The following CNRIP1 variants were observed in gnomAD, a reference collection of about 807,000 sequenced individuals.
CNRIP1 encodes the protein cannabinoid receptor interacting protein 1.
CNRIP1 carries 10 observed loss-of-function variants against 15.2 expected under a neutral mutation model. The ratio of observed to expected loss-of-function variants is 0.66; its 90% CI spans 0.41 to 1.12. The LOEUF (loss-of-function observed/expected upper bound fraction) is 1.12, where lower values mean the gene tolerates loss of function less well. Among genes scored for constraint, CNRIP1 ranks in the 50% most tolerant of loss-of-function variants. The pLI is 0.00. For synonymous variants in CNRIP1, 91 were observed against 83.2 expected, an observed-to-expected ratio of 1.09 and a Z score of -0.51; for missense variants, 211 against 214.7, an observed-to-expected ratio of 0.98 and a Z score of 0.11.
At chr2:68,298,140 T>C (rs1291893469) in intron 2 of CNRIP1, among the ~76,000 whole-genome samples, 2 of 152,144 alleles carry the variant, frequency 1.3e-5, no homozygotes, top group East Asian at 3.8e-4. Context: ...TTAGTGGTGG[T>C]ATGTATAAAT....
chr2:68,303,688 T>C (rs1311347483), intron 2 of CNRIP1, among the ~76,000 whole-genome samples: 1 of 152,256 alleles, frequency 6.6e-6, no homozygotes, highest in Non-Finnish European at 1.5e-5. Context: ...CAGGGTCTTC[T>C]TCTGTTTTAA....
At chr2:68,291,731 T>G (rs193194911), downstream of CNRIP1, among the ~76,000 whole-genome samples, 1 of 151,874 alleles carries the variant, frequency 6.6e-6, no homozygotes, top group Non-Finnish European at 1.5e-5. Context: ...ATATAAAAAT[T>G]AGCTGAGCGT....
At chr2:68,301,765 A>G (rs1390736314) in intron 2 of CNRIP1, among the ~76,000 whole-genome samples, 1 of 151,834 alleles carries the variant, frequency 6.6e-6, no homozygotes, top group Non-Finnish European at 1.5e-5. Context: ...GGTGGCAGGC[A>G]CCTGTAGTCC....
At chr2:68,297,567 CAAAAA>C (rs112601365) in intron 2 of CNRIP1, among the ~76,000 whole-genome samples, 12 of 98,884 alleles carry the variant, frequency 1.2e-4, no homozygotes, top group African/African-American at 4.0e-4. Context: ...GACACTGTCT[CAAAAA>C]AAAAAAAAAA....
intron 2 of CNRIP1, among the ~76,000 whole-genome samples, chr2:68,310,102 T>C (rs1385662650): frequency 6.6e-6 from 1 of 151,958 alleles, no homozygotes; most frequent in Non-Finnish European, 1.5e-5. Context: ...CCGAGGCAGG[T>C]GGATCACTTG....
At chr2:68,312,462 T>C (rs188690588) in intron 2 of CNRIP1, among the ~76,000 whole-genome samples, 14 of 152,272 alleles carry the variant, frequency 9.2e-5, no homozygotes, top group Admixed American at 7.2e-4. Context: ...AGAGAACTCC[T>C]TTAACCTGAT....
At chr2:68,287,743 C>A (rs1671065349) in intron 2 of CNRIP1, among the ~76,000 whole-genome samples, 1 of 152,346 alleles carries the variant, frequency 6.6e-6, no homozygotes, top group African/African-American at 2.4e-5. Context: ...AGCACATGGC[C>A]TTAGCCCAGG....
In CNRIP1 at chr2:68,297,020, GC is replaced by G. The variant is rs1671392158; in HGVS notation, c.331-2995del. On this transcript the variant is annotated intron_variant, in intron 2 of 2. Transcript: ENST00000263655. ...GACCTCAAGTGATCCACCAGCCTCG[GC>G]CTCTCAAAGCGCTGGGATTACAGGC... is the stretch of plus-strand genomic sequence containing the variant. Among the ~76,000 whole-genome samples the G allele has an allele frequency of 3.3e-5, 5 of 152,102 alleles. No homozygotes were observed. In the South Asian group the frequency reaches 1.0e-3, roughly 32 times the overall value.
intron 2 of CNRIP1, among the ~76,000 whole-genome samples, chr2:68,312,984 T>C (rs1348643157): frequency 1.3e-5 from 2 of 152,138 alleles, no homozygotes; most frequent in Non-Finnish European, 1.5e-5. Context: ...AGTTGACCTA[T>C]AGGTTTAATG....
At chr2:68,292,326 C>G (rs1484077321), downstream of CNRIP1, among the ~76,000 whole-genome samples, 2 of 152,166 alleles carry the variant, frequency 1.3e-5, no homozygotes, top group African/African-American at 4.8e-5. Context: ...CATTGCTGTT[C>G]CCTGGTGGCT....
chr2:68,309,935 G>C (rs778314700), intron 2 of CNRIP1, among the ~76,000 whole-genome samples: 2 of 152,202 alleles, frequency 1.3e-5, no homozygotes, highest in Non-Finnish European at 2.9e-5. Context: ...AAGATTAATA[G>C]CTTCTTTATA....
chr2:68,306,539 G>A (rs1671852728), intron 2 of CNRIP1, among the ~76,000 whole-genome samples: 1 of 152,120 alleles, frequency 6.6e-6, no homozygotes, highest in Non-Finnish European at 1.5e-5. Flanking sequence ...CCAGCGTTTT[G>A]GGAGGCCAAG....
At chr2:68,296,444 T>C (rs2103622220) in intron 2 of CNRIP1, among the ~76,000 whole-genome samples, 1 of 151,966 alleles carries the variant, frequency 6.6e-6, no homozygotes, top group South Asian at 2.1e-4. Context: ...GAGACTGAGA[T>C]AGGAGGATTG....
downstream of CNRIP1, among the ~76,000 whole-genome samples, chr2:68,290,439 A>G (rs578218468): frequency 6.6e-6 from 1 of 152,308 alleles, no homozygotes; most frequent in South Asian, 2.1e-4. Flanking sequence ...TTTGATATAT[A>G]CAGAAACTAC....
intron 2 of CNRIP1, among the ~76,000 whole-genome samples, chr2:68,305,270 ATATATG>A (rs1671782473): frequency 3.0e-5 from 3 of 98,596 alleles, no homozygotes; most frequent in African/African-American, 1.1e-4. Flanking sequence ...ATATATATAT[ATATATG>A]TGTGTGTGTG....
chr2:68,289,008 AAT>A (rs1238313422), downstream of CNRIP1, among the ~76,000 whole-genome samples: 1 of 152,218 alleles, frequency 6.6e-6, no homozygotes, highest in East Asian at 1.9e-4. Context: ...CTTCTTATAA[AAT>A]GAGCTGTTTA....
At chr2:68,297,567 C>CAAAAAAAAAAAAAAAAAAAA (rs112601365) in intron 2 of CNRIP1, among the ~76,000 whole-genome samples, 2 of 98,912 alleles carry the variant, frequency 2.0e-5, no homozygotes, top group Non-Finnish European at 4.3e-5. Context: ...GACACTGTCT[C>CAAAAAAAAAAAAAAAAAAAA]AAAAAAAAAA....
At chr2:68,284,281 G>T (rs1558657652) in exon 3 of CNRIP1, 1 of 510,428 alleles carries the variant, frequency 2.0e-6, no homozygotes, top group Non-Finnish European at 3.4e-6. Context: ...GTCTAAAAAG[G>T]TAGAGTTTAG....
rs1053495290 is a variant in CNRIP1 at position 68,294,012 on chromosome 2, C to T, written c.345G>A (p.Gly115=). The T allele has an allele frequency of 3.1e-6, 5 of 1,613,818 alleles. No homozygotes were observed. The highest frequency in any genetic ancestry group is 2.2e-5 in the South Asian group (2 of 91,026). The part of the protein sequence containing the change: ...IQITMPFTDI[G]TFETVWQVKF... ...TGACTTGCCACACTGTCTCGAAGGT[C>T]CCAATGTCTGTGAACTGAGGGAAGA... Residue 115 remains glycine, a synonymous_variant, in exon 3 of 3, where the codon GGG becomes GGA. Coordinates refer to ENST00000263655, the MANE Select transcript of CNRIP1 (RefSeq NM_015463.3).
Sources: gnomAD v4.1 joint callset for allele counts (sites outside exome capture counted in the v4.1 genomes callset) on GRCh38, gnomAD v4.1.1 for gene constraint, MANE v1.5 for transcripts, NCBI Gene and HGNC (gene_info 2026-07-23, HGNC 2026-07-21) for gene names.